Variants in SLC12A6 observed in about 807,000 individuals in gnomAD.
SLC12A6 encodes the protein solute carrier family 12 member 6.
SLC12A6 carries 66 observed loss-of-function variants against 135.3 expected under a neutral mutation model. That is an observed-to-expected ratio of 0.49 (90% CI 0.40 to 0.60). SLC12A6 has a LOEUF of 0.60. Ranked by LOEUF, SLC12A6 falls within the 20% of genes least tolerant of loss-of-function variation. The probability of loss-of-function intolerance (pLI) is 0.00; values close to 1 mark genes in which losing one functional copy is unlikely to be tolerated. For missense variants in SLC12A6, 1,058 were observed against 1,452.3 expected (o/e 0.73, Z 4.41); for synonymous variants, 513 against 508.8 (o/e 1.01, Z -0.11).
chr15:34,264,367 G>C lies in SLC12A6; in HGVS notation c.317-3347C>G, dbSNP rs1893353752. ...TATTCTTTCCAAAAGAATGGAAGTT[G>C]AATCTAATCAAGCCTCGAAATCTAA... On this transcript the variant is annotated intron_variant, in intron 3 of 25. Coordinates refer to ENST00000354181, the MANE Select transcript of SLC12A6 (RefSeq NM_001365088.1). Among the ~76,000 whole-genome samples the C allele has an allele frequency of 2.0e-5, 3 of 152,154 alleles. No individual in the cohort carries two copies. The South Asian group carries it at 6.2e-4, about 31-fold the overall frequency.
chr15:34,288,117 T>G (rs947067956), intron 2 of SLC12A6, among the ~76,000 whole-genome samples: 1 of 152,174 alleles, frequency 6.6e-6, no homozygotes, highest in Admixed American at 6.5e-5. Context: ...CTAGGTCTTA[T>G]GTTTAAGTCT....
At position 34,235,001 on chromosome 15, in the gene SLC12A6, A is replaced by G. The variant is rs145628806; in HGVS notation, c.3361+180T>C. On this transcript the variant is annotated intron_variant, in intron 25 of 25. Coordinates refer to ENST00000354181, the MANE Select transcript of SLC12A6 (RefSeq NM_001365088.1). ...CTAGAACTGAATTATATTTGCCCCAACTCCCCTAAAAGAGTTTAATCTTAT... is the reference window on the plus strand; with the variant it reads ...CTAGAACTGAATTATATTTGCCCCAGCTCCCCTAAAAGAGTTTAATCTTAT... Among the ~76,000 whole-genome samples, 20 of 152,240 alleles carry G rather than the reference A, an allele frequency of 1.3e-4. No homozygotes were observed. In the East Asian group the frequency reaches 2.3e-3, roughly 18 times the overall value.
chr15:34,303,856 A>G (rs1896423541), intron 2 of SLC12A6, among the ~76,000 whole-genome samples: 1 of 152,184 alleles, frequency 6.6e-6, no homozygotes, highest in Non-Finnish European at 1.5e-5. Flanking sequence ...CAGAACCACG[A>G]GTCAATAAAT....
chr15:34,268,859 C>CT (rs1442421135), intron 3 of SLC12A6, among the ~76,000 whole-genome samples: 1 of 145,752 alleles, frequency 6.9e-6, no homozygotes, highest in Non-Finnish European at 1.5e-5. Flanking sequence ...TTTTTTCTTT[C>CT]TTTCTTTTTT....
intron 3 of SLC12A6, among the ~76,000 whole-genome samples, chr15:34,271,357 A>AG (rs1893924724): frequency 6.8e-6 from 1 of 147,630 alleles, no homozygotes; most frequent in African/African-American, 2.6e-5. Context: ...TATGTTCCTA[A>AG]GTAAGGTTGG....
intron 2 of SLC12A6, among the ~76,000 whole-genome samples, chr15:34,280,652 C>A (rs1314122585): frequency 6.6e-6 from 1 of 152,082 alleles, no homozygotes; most frequent in African/African-American, 2.4e-5. Flanking sequence ...ACCATATGAT[C>A]CAGCAATCCC....
rs558474157 is a variant in SLC12A6 at position 34,230,505 on chromosome 15, C to T, written c.*3376G>A. The T allele has an allele frequency of 1.3e-5, 2 of 152,684 alleles. No homozygotes were observed. Among genetic ancestry groups the T allele is most frequent in the South Asian group, 4.1e-4 (2 of 4,828 alleles). 9.5% of individuals were successfully genotyped at this position (152,684 alleles called of 1,614,324 possible). Reference sequence around the variant, plus strand: ...TGTCAAGCAGATGCTGCAGTTCAAACTTCAGCTTTTAAGATAGATAGCTAT... The same window carrying T: ...TGTCAAGCAGATGCTGCAGTTCAAATTTCAGCTTTTAAGATAGATAGCTAT... On this transcript the variant is annotated 3_prime_UTR_variant, in exon 26 of 26. Coordinates refer to ENST00000354181, the MANE Select transcript of SLC12A6 (RefSeq NM_001365088.1).
intron 2 of SLC12A6, among the ~76,000 whole-genome samples, chr15:34,322,629 G>C (rs1163056448): frequency 6.6e-6 from 1 of 151,970 alleles, no homozygotes; most frequent in Non-Finnish European, 1.5e-5. Context: ...GTATCTAGGT[G>C]GTGGGTGTAT....
At chr15:34,264,818 A>G (rs1022104838) in intron 3 of SLC12A6, among the ~76,000 whole-genome samples, 12 of 152,178 alleles carry the variant, frequency 7.9e-5, no homozygotes, top group African/African-American at 2.9e-4. Flanking sequence ...ACTTTTCTGT[A>G]CCTTTGATAT....
chr15:34,272,501 A>G (rs1167950606), intron 3 of SLC12A6, among the ~76,000 whole-genome samples: 1 of 152,226 alleles, frequency 6.6e-6, no homozygotes, highest in African/African-American at 2.4e-5. Flanking sequence ...ATCTGACTCC[A>G]TGAATCTAGG....
At chr15:34,308,630 CAAA>C (rs536506096) in intron 2 of SLC12A6, among the ~76,000 whole-genome samples, 1,005 of 63,284 alleles carry the variant, frequency 0.016, 3 homozygotes, top group African/African-American at 0.046. Flanking sequence ...GTCCACCTGA[CAAA>C]AAAAAAAAAA....
At chr15:34,234,724 A>T (rs1273231744) in intron 25 of SLC12A6, among the ~76,000 whole-genome samples, 1 of 152,172 alleles carries the variant, frequency 6.6e-6, no homozygotes, top group African/African-American at 2.4e-5. Flanking sequence ...TTTATGTGTC[A>T]ATGCTGAAGG....
At chr15:34,255,160 G>A in intron 8 of SLC12A6, 102 bp downstream of exon 8, 1 of 990,576 alleles carries the variant, frequency 1.0e-6, no homozygotes, top group Non-Finnish European at 1.6e-6. Flanking sequence ...TCAATCACCT[G>A]ATTTATTCCC....
intron 3 of SLC12A6, among the ~76,000 whole-genome samples, chr15:34,263,253 C>CA (rs1364771263): frequency 3.3e-5 from 5 of 151,488 alleles, no homozygotes; most frequent in Admixed American, 2.0e-4. Context: ...CCTGCCTCAA[C>CA]AAAAAAAATT....
chr15:34,277,302 C>A (rs1028798108), intron 2 of SLC12A6, among the ~76,000 whole-genome samples: 1 of 151,966 alleles, frequency 6.6e-6, no homozygotes, highest in Non-Finnish European at 1.5e-5. Flanking sequence ...GGCATAGTGG[C>A]GTGTGCACCT....
chr15:34,306,003 C>T (rs373592380), intron 2 of SLC12A6, among the ~76,000 whole-genome samples: 100 of 151,968 alleles, frequency 6.6e-4, no homozygotes, highest in Admixed American at 3.8e-3. Flanking sequence ...CCTCGTGATC[C>T]GCCCGCCTCG....
intron 2 of SLC12A6, among the ~76,000 whole-genome samples, chr15:34,278,395 C>A (rs1197046502): frequency 7.9e-5 from 12 of 151,920 alleles, no homozygotes. Context: ...CCACTGACTC[C>A]AGCCTGGGCA....
intron 2 of SLC12A6, among the ~76,000 whole-genome samples, chr15:34,310,563 GTGTGTGTA>G (rs1450984290): frequency 8.7e-6 from 1 of 115,496 alleles, no homozygotes; most frequent in Non-Finnish European, 1.7e-5. Flanking sequence ...GTGTGTGTGT[GTGTGTGTA>G]TGTGTGTGTG....
chr15:34,290,632 G>T (rs1566843934), intron 2 of SLC12A6, among the ~76,000 whole-genome samples: 2 of 152,162 alleles, frequency 1.3e-5, no homozygotes, highest in Admixed American at 6.5e-5. Context: ...AGGTCTCTAA[G>T]AACTTGCTTT....
Sources: allele counts gnomAD v4.1 joint callset (sites outside exome capture counted in the v4.1 genomes callset), GRCh38; gene constraint gnomAD v4.1.1; transcripts MANE v1.5; gene names NCBI Gene and HGNC (gene_info 2026-07-23, HGNC 2026-07-21).